TDRD3: variants seen among roughly 807,000 people sequenced by gnomAD.
TDRD3 encodes the protein tudor domain-containing protein 3.
In TDRD3, 45 loss-of-function variants were observed where a neutral mutation model predicts 86.7. That is an observed-to-expected ratio of 0.52 (90% CI 0.41 to 0.67). The LOEUF (loss-of-function observed/expected upper bound fraction) is 0.67, where lower values mean the gene tolerates loss of function less well. Among genes scored for constraint, TDRD3 ranks in the 30% least tolerant of loss-of-function variants. The pLI, the probability that TDRD3 is intolerant of heterozygous loss-of-function variation, is 0.00. For synonymous variants in TDRD3, 298 were observed against 301.7 expected (o/e 0.99, Z 0.13); for missense variants, 814 against 889.0 (o/e 0.92, Z 1.07).
chr13:60,510,496 A>G (rs544420855), intron 9 of TDRD3, 134 bp from the exon 10 acceptor site: 178 of 938,902 alleles, frequency 1.9e-4, no homozygotes, highest in Non-Finnish European at 2.4e-4. Context: ...AATTACTTAA[A>G]AGATGTAGAC....
At chr13:60,566,126 C>G (rs1452473371) in intron 12 of TDRD3, among the ~76,000 whole-genome samples, 1 of 152,064 alleles carries the variant, frequency 6.6e-6, no homozygotes, top group African/African-American at 2.4e-5. Flanking sequence ...CTTTTACATG[C>G]AGACTGAAAC....
intron 4 of TDRD3, among the ~76,000 whole-genome samples, chr13:60,461,568 C>CTTT (rs1319029788): frequency 1.3e-5 from 2 of 152,084 alleles, no homozygotes; most frequent in East Asian, 3.9e-4. Context: ...GCTCGGGCTC[C>CTTT]TCTAAGCTTT....
intron 1 of TDRD3, among the ~76,000 whole-genome samples, chr13:60,426,188 T>C (rs774599055): frequency 4.6e-5 from 7 of 152,202 alleles, no homozygotes; most frequent in East Asian, 3.8e-4. Flanking sequence ...AGAAAAGTAT[T>C]ATGTGATCTT....
At chr13:60,435,559 T>C (rs1294146843) in intron 1 of TDRD3, among the ~76,000 whole-genome samples, 1 of 152,174 alleles carries the variant, frequency 6.6e-6, no homozygotes, top group African/African-American at 2.4e-5. Flanking sequence ...TGTAGAATAA[T>C]GGCCTCCAGC....
intron 3 of TDRD3, among the ~76,000 whole-genome samples, chr13:60,451,750 A>G (rs577407063): frequency 2.0e-4 from 30 of 152,296 alleles, no homozygotes; most frequent in South Asian, 6.2e-4. Context: ...ATGAGATTCA[A>G]TTGAGCCATA....
chr13:60,491,032 G>A (rs992810297), intron 7 of TDRD3, among the ~76,000 whole-genome samples: 2 of 150,474 alleles, frequency 1.3e-5, no homozygotes, highest in Non-Finnish European at 2.9e-5. Flanking sequence ...CAGGAGAATC[G>A]CTTGAACCCA....
chr13:60,467,159 C>T, intron 4 of TDRD3, 79 bp from the exon 5 acceptor site: 1 of 1,539,244 alleles, frequency 6.5e-7, no homozygotes, highest in East Asian at 2.3e-5. Context: ...CTGACAGGCC[C>T]CGGTCTGTGT....
intron 5 of TDRD3, among the ~76,000 whole-genome samples, chr13:60,468,776 T>C (rs1956008555): frequency 6.6e-6 from 1 of 152,168 alleles, no homozygotes; most frequent in Non-Finnish European, 1.5e-5. Context: ...ACTTTACATG[T>C]AATAGATGTT....
At chr13:60,413,170 T>A (rs1954406607) in intron 1 of TDRD3, among the ~76,000 whole-genome samples, 3 of 152,064 alleles carry the variant, frequency 2.0e-5, no homozygotes. Context: ...GAAACTGAGA[T>A]GTGTAAATTA....
intron 12 of TDRD3, among the ~76,000 whole-genome samples, chr13:60,561,818 C>G (rs1958338995): frequency 6.6e-6 from 1 of 151,978 alleles, no homozygotes; most frequent in Admixed American, 6.5e-5. Flanking sequence ...ACAAAATCTT[C>G]CTGTTTTATA....
At position 60,428,133 on chromosome 13, in the gene TDRD3, T is replaced by C. The variant is rs79272069; in HGVS notation, c.42-11555T>C. 1.8e-4 allele frequency among the ~76,000 whole-genome samples: 27 copies of C among 151,890 alleles called. No homozygotes were observed. In the East Asian group the frequency reaches 5.2e-3, roughly 29 times the overall value. ...TCCAGCTTCATATGGCCTTTTACTT[T>C]TCTGTGTGTCACTTTACTCTGTGTG... On this transcript the variant is annotated intron_variant, in intron 1 of 13. Coordinates refer to ENST00000377881, the MANE Select transcript of TDRD3 (RefSeq NM_001146070.2).
At chr13:60,458,991 T>A (rs1161470744) in intron 3 of TDRD3, among the ~76,000 whole-genome samples, 2 of 152,232 alleles carry the variant, frequency 1.3e-5, no homozygotes, top group Non-Finnish European at 2.9e-5. Context: ...CTATACTTGT[T>A]AACAGTTTCG....
At chr13:60,476,844 A>G (rs1488625694) in intron 5 of TDRD3, among the ~76,000 whole-genome samples, 1 of 151,732 alleles carries the variant, frequency 6.6e-6, no homozygotes, top group Non-Finnish European at 1.5e-5. Flanking sequence ...TGCATTCTTG[A>G]TTTGAGTCTG....
chr13:60,428,592 C>G (rs1954870937), intron 1 of TDRD3, among the ~76,000 whole-genome samples: 1 of 152,130 alleles, frequency 6.6e-6, no homozygotes, highest in Non-Finnish European at 1.5e-5. Context: ...AGCTTATATA[C>G]TCTTCACAGA....
chr13:60,480,898 T>A (rs1956296568), intron 5 of TDRD3, among the ~76,000 whole-genome samples: 1 of 151,248 alleles, frequency 6.6e-6, no homozygotes. Context: ...CCATATGGGA[T>A]GGGGGTGCAC....
Position 60,528,520 on chromosome 13 carries a change from A to G in TDRD3, c.1295A>G (p.Asp432Gly). The change falls in exon 11 of 14, where the codon GAC becomes GGC. Residue 432 changes from aspartate (D) to glycine (G), a missense_variant. Transcript: ENST00000377881. ...GAAAAACCGCCTCGTTTTCAAAGAGACTCCCAAAATTCAAAGTCAGTTTTA... is the reference window on the plus strand; with the variant it reads ...GAAAAACCGCCTCGTTTTCAAAGAGGCTCCCAAAATTCAAAGTCAGTTTTA... ...RNEKPPRFQR[D>G]SQNSKSVLEG... The G allele has an allele frequency of 6.2e-7, 1 of 1,613,976 alleles. No individual in the cohort carries two copies.
At chr13:60,482,698 T>TGAACA (rs1956343406) in intron 5 of TDRD3, among the ~76,000 whole-genome samples, 1 of 152,194 alleles carries the variant, frequency 6.6e-6, no homozygotes, top group East Asian at 1.9e-4. Context: ...GTGGCACTCA[T>TGAACA]ATACACTTTA....
At chr13:60,500,814 G>T (rs1956814273) in intron 8 of TDRD3, among the ~76,000 whole-genome samples, 1 of 152,238 alleles carries the variant, frequency 6.6e-6, no homozygotes, top group Non-Finnish European at 1.5e-5. Flanking sequence ...TGTATCCCAT[G>T]TGAGTGCTAA....
chr13:60,454,647 C>T (rs1164989316), intron 3 of TDRD3, among the ~76,000 whole-genome samples: 1 of 152,064 alleles, frequency 6.6e-6, no homozygotes, highest in Admixed American at 6.5e-5. Flanking sequence ...GCCACCAGCC[C>T]AAAGCTGAAA....
Sources: gnomAD v4.1 joint callset for allele counts (sites outside exome capture counted in the v4.1 genomes callset) on GRCh38, gnomAD v4.1.1 for gene constraint, MANE v1.5 for transcripts, NCBI Gene and HGNC (gene_info 2026-07-23, HGNC 2026-07-21) for gene names.